Variants in GPC5 observed in about 807,000 individuals in gnomAD.
GPC5 encodes the protein glypican-5.
Under a neutral mutation model 53.9 loss-of-function variants are expected in GPC5, and 47 were observed. That is an observed-to-expected ratio of 0.87 (90% CI 0.69 to 1.11). The LOEUF is 1.11. GPC5 is among the 50% of genes most tolerant of loss of function. The probability of loss-of-function intolerance (pLI) is 0.00; values close to 1 mark genes in which losing one functional copy is unlikely to be tolerated. For missense variants in GPC5, 748 were observed against 713.1 expected, an observed-to-expected ratio of 1.05 and a Z score of -0.56; for synonymous variants, 286 against 263.3, an observed-to-expected ratio of 1.09 and a Z score of -0.84.
chr13:92,377,177 T>C lies in GPC5; in HGVS notation c.1561+232188T>C, dbSNP rs35382299. Among the ~76,000 whole-genome samples, 1,392 of 152,314 alleles carry C rather than the reference T, an allele frequency of 9.1e-3. 21 individuals are homozygous for C. Among genetic ancestry groups the C allele is most frequent in the Middle Eastern group, 0.048 (14 of 294 alleles). ...AATCACTCAATGCTACCATCATATT[T>C]TGCCTACGCTTGCAGTGCTGTAGTT... On this transcript the variant is annotated intron_variant, in intron 7 of 7. Transcript: ENST00000377067.
chr13:91,810,676 A>G (rs1479422540), intron 5 of GPC5, among the ~76,000 whole-genome samples: 1 of 151,988 alleles, frequency 6.6e-6, no homozygotes, highest in African/African-American at 2.4e-5. Context: ...TCAAGGTCCA[A>G]TAGTAGACGG....
intron 7 of GPC5, among the ~76,000 whole-genome samples, chr13:92,743,120 A>C (rs1889149658): frequency 6.6e-6 from 1 of 152,000 alleles, no homozygotes; most frequent in Non-Finnish European, 1.5e-5. Context: ...AATTCTGTGA[A>C]GAAAGTCATT....
At chr13:92,364,598 C>T (rs1204853032) in intron 7 of GPC5, among the ~76,000 whole-genome samples, 1 of 151,516 alleles carries the variant, frequency 6.6e-6, no homozygotes, top group Admixed American at 6.6e-5. Flanking sequence ...GGCGTGGTGG[C>T]AAGAACCTGT....
chr13:91,593,789 A>G (rs558995011), intron 2 of GPC5, among the ~76,000 whole-genome samples: 11 of 152,274 alleles, frequency 7.2e-5, no homozygotes, highest in African/African-American at 2.2e-4. Flanking sequence ...TTTCATAAAT[A>G]TATTATTTCT....
chr13:91,925,350 G>C (rs1354464524), intron 6 of GPC5, among the ~76,000 whole-genome samples: 1 of 152,124 alleles, frequency 6.6e-6, no homozygotes, highest in East Asian at 1.9e-4. Flanking sequence ...ATACTTAACT[G>C]TTTAAAATCA....
At chr13:91,817,038 G>A (rs967582553) in intron 5 of GPC5, among the ~76,000 whole-genome samples, 17 of 152,116 alleles carry the variant, frequency 1.1e-4, no homozygotes, top group African/African-American at 3.9e-4. Flanking sequence ...TATTATTACA[G>A]CTTAGGAAGT....
intron 7 of GPC5, among the ~76,000 whole-genome samples, chr13:92,298,550 C>T (rs1035537248): frequency 3.3e-5 from 5 of 152,198 alleles, no homozygotes; most frequent in Admixed American, 1.3e-4. Context: ...ATTAACTCAG[C>T]TCGAGGTACA....
chr13:92,418,815 A>G (rs1355422366), intron 7 of GPC5, among the ~76,000 whole-genome samples: 1 of 152,188 alleles, frequency 6.6e-6, no homozygotes, highest in African/African-American at 2.4e-5. Flanking sequence ...AAGGGGAGTT[A>G]CCAGAAATAT....
intron 4 of GPC5, among the ~76,000 whole-genome samples, chr13:91,750,941 T>TTCACAC (rs2140107848): frequency 6.7e-6 from 1 of 149,892 alleles, no homozygotes; most frequent in Admixed American, 6.6e-5. Flanking sequence ...GGATTACAGG[T>TTCACAC]GTGAGCCATT....
chr13:91,879,414 C>A (rs2039240771), intron 5 of GPC5, among the ~76,000 whole-genome samples: 1 of 152,078 alleles, frequency 6.6e-6, no homozygotes. Context: ...ACCAGAATAC[C>A]ATAGACTTTG....
chr13:91,958,615 A>G (rs2040096506), intron 6 of GPC5, among the ~76,000 whole-genome samples: 1 of 152,128 alleles, frequency 6.6e-6, no homozygotes, highest in African/African-American at 2.4e-5. Flanking sequence ...AGGATAGGTC[A>G]TATGTTAGGA....
intron 7 of GPC5, among the ~76,000 whole-genome samples, chr13:92,368,321 A>C (rs1237720537): frequency 6.6e-6 from 1 of 151,588 alleles, no homozygotes; most frequent in African/African-American, 2.4e-5. Flanking sequence ...ACTGGAGGCT[A>C]TACTCCTAGC....
At chr13:92,289,999 A>G (rs113243418) in intron 7 of GPC5, among the ~76,000 whole-genome samples, 144 of 152,286 alleles carry the variant, frequency 9.5e-4, no homozygotes, top group African/African-American at 3.3e-3. Context: ...TGGAACAGGA[A>G]GATTGGTTTT....
intron 5 of GPC5, among the ~76,000 whole-genome samples, chr13:91,847,443 A>G (rs937851844): frequency 3.3e-5 from 5 of 152,028 alleles, no homozygotes; most frequent in Non-Finnish European, 7.4e-5. Context: ...GTTCAACTGA[A>G]AAAAATGCTG....
At chr13:92,643,092 T>C (rs1422755575) in intron 7 of GPC5, among the ~76,000 whole-genome samples, 1 of 152,124 alleles carries the variant, frequency 6.6e-6, no homozygotes, top group Non-Finnish European at 1.5e-5. Context: ...TCTTGTAAAT[T>C]TGTTTGAGTT....
chr13:92,006,667 A>G (rs1057096138), intron 6 of GPC5, among the ~76,000 whole-genome samples: 13 of 152,260 alleles, frequency 8.5e-5, no homozygotes, highest in Admixed American at 4.6e-4. Context: ...TTGACCTACC[A>G]AGATCTTACA....
At chr13:91,950,233 G>T (rs76879613) in intron 6 of GPC5, among the ~76,000 whole-genome samples, 3,153 of 145,596 alleles carry the variant, frequency 0.022, 100 homozygotes, top group African/African-American at 0.076. Context: ...ACCAATAGCA[G>T]AATTTTTCCC....
intron 5 of GPC5, among the ~76,000 whole-genome samples, chr13:91,882,099 A>G (rs1275006180): frequency 6.6e-6 from 1 of 152,164 alleles, no homozygotes; most frequent in Non-Finnish European, 1.5e-5. Flanking sequence ...GAGATAATTT[A>G]AAGGAATCTA....
intron 7 of GPC5, among the ~76,000 whole-genome samples, chr13:92,661,291 C>T (rs1886333504): frequency 6.7e-6 from 1 of 150,140 alleles, no homozygotes; most frequent in African/African-American, 2.5e-5. Context: ...GAGACCCTCT[C>T]TCAAAAAAAA....
Sources: allele counts gnomAD v4.1 joint callset (sites outside exome capture counted in the v4.1 genomes callset), GRCh38; gene constraint gnomAD v4.1.1; transcripts MANE v1.5; gene names NCBI Gene and HGNC (gene_info 2026-07-23, HGNC 2026-07-21).